Variants in NBPF19 observed in about 807,000 individuals in gnomAD.
NBPF19 encodes NBPF family member NBPF19.
NBPF19 carries 30 observed loss-of-function variants against 45.9 expected under a neutral mutation model. That is an observed-to-expected ratio of 0.65 (90% CI 0.49 to 0.89). NBPF19 has a LOEUF of 0.89. NBPF19 is among the 40% of genes least tolerant of loss of function. NBPF19 has a pLI of 0.00. For missense variants in NBPF19, 495 were observed against 471.8 expected (o/e 1.05, Z -0.46); for synonymous variants, 183 against 181.2 (o/e 1.01, Z -0.08).
chr1:149,479,614 G>C (rs1185358898), intron 4 of NBPF19, among the ~76,000 whole-genome samples: 2 of 148,132 alleles, frequency 1.4e-5, no homozygotes, highest in African/African-American at 5.0e-5. Context: ...TGTTGGAGAA[G>C]GCACTTGATG....
In NBPF19 at chr1:149,556,134, T is replaced by G. The variant is rs1331836684; in HGVS notation, c.*1396T>G. 1 of 148,038 alleles carries G rather than the reference T, an allele frequency of 6.8e-6. No homozygotes were observed. Among genetic ancestry groups the G allele is most frequent in the Non-Finnish European group, 1.5e-5 (1 of 66,958 alleles). The allele number at this position is 148,038 out of a possible 1,614,324, so 9.2% of individuals were successfully genotyped here. On this transcript the variant is annotated 3_prime_UTR_variant, in exon 94 of 94. Coordinates refer to ENST00000651566, the MANE Select transcript of NBPF19 (RefSeq NM_001351365.2). ...CGCTGCAAAATTTGGGTCTCAATTT[T>G]TACTGTGCCTTTGTTTTTACTAGTG...
At chr1:149,490,885 T>G (rs2085821507) in intron 13 of NBPF19, among the ~76,000 whole-genome samples, 1 of 125,746 alleles carries the variant, frequency 8.0e-6, no homozygotes, top group Non-Finnish European at 1.7e-5. Context: ...GAGCTCGTTC[T>G]CTCTCTCTCT....
At chr1:149,478,073 C>T in intron 3 of NBPF19, 26 bp downstream of exon 3, 2 of 1,559,340 alleles carry the variant, frequency 1.3e-6, no homozygotes, top group Non-Finnish European at 1.8e-6. Context: ...GGGGGGAGGG[C>T]AGGCGGGTAG....
At chr1:149,493,130 GCT>G (rs1287139849) in intron 16 of NBPF19, among the ~76,000 whole-genome samples, 190 bp downstream of exon 16, 8 of 77,672 alleles carry the variant, frequency 1.0e-4, no homozygotes. Flanking sequence ...AGTGAGCAAG[GCT>G]CTCTTCCTAG....
chr1:149,479,816 G>C (rs1406349184), intron 4 of NBPF19, among the ~76,000 whole-genome samples: 2 of 151,036 alleles, frequency 1.3e-5, no homozygotes, highest in South Asian at 2.1e-4. Context: ...AGGACACCAA[G>C]CCTGTGCCTG....
chr1:149,554,861 T>C lies in NBPF19; in HGVS notation c.*123T>C. 2 of 1,523,928 alleles carry C rather than the reference T, an allele frequency of 1.3e-6. No individual in the cohort carries two copies. The highest frequency in any genetic ancestry group is 1.8e-6 in the Non-Finnish European group (2 of 1,121,642). 94.4% of individuals were successfully genotyped at this position (1,523,928 alleles called of 1,614,324 possible). ...CATAGGATGGGTCAGTGGGCATGGC[T>C]CTTTTCCTATTCTCAAACCATGCCA... On this transcript the variant is annotated 3_prime_UTR_variant, in exon 94 of 94. Transcript: ENST00000651566.
At chr1:149,554,175 C>A (rs1349487704) in intron 93 of NBPF19, among the ~76,000 whole-genome samples, 114 of 142,946 alleles carry the variant, frequency 8.0e-4, no homozygotes, top group African/African-American at 2.8e-3. Context: ...TTTTCATGAT[C>A]ACAGTTTGCT....
At chr1:149,487,072 C>T (rs2085567167) in intron 8 of NBPF19, among the ~76,000 whole-genome samples, 1 of 150,884 alleles carries the variant, frequency 6.6e-6, no homozygotes. Flanking sequence ...GGAAAAATTG[C>T]TCATTTGTGT....
rs1177065525 is a variant in NBPF19 at position 149,554,724 on chromosome 1, A to G, written c.11518A>G (p.Ile3840Val). Residue 3840 changes from isoleucine to valine, a missense_variant, in exon 94 of 94, where the codon ATA becomes GTA. Coordinates refer to ENST00000651566, the MANE Select transcript of NBPF19 (RefSeq NM_001351365.2). Reference sequence around the variant, plus strand: ...CCATCTGGTGTTCCAGATGTTAGTCATATTCCCACAATAGGCAGCCCTTAC... The same window carrying G: ...CCATCTGGTGTTCCAGATGTTAGTCGTATTCCCACAATAGGCAGCCCTTAC... ...SLHLVFQMLV[I>V]FPQ 7.5e-6 allele frequency: 12 copies of G among 1,608,098 alleles called. No homozygotes were observed. The African/African-American group carries it at 9.4e-5, about 13-fold the overall frequency.
Position 149,479,865 on chromosome 1 carries a change from C to A in NBPF19, c.494-277C>A, listed in dbSNP as rs9438319. 4.5e-4 allele frequency among the ~76,000 whole-genome samples: 67 copies of A among 149,972 alleles called. 1 individual carries two copies. In the East Asian group the frequency reaches 0.011, roughly 25 times the overall value. On this transcript the variant is annotated intron_variant, in intron 4 of 93. Transcript: ENST00000651566. ...GCAGGATGGGGGAGACAGCTGCCAA[C>A]GTCCAGAGAGAGGCTGCACAAGCCT... is the stretch of plus-strand genomic sequence containing the variant.
chr1:149,476,081 T>A lies in NBPF19; in HGVS notation c.149T>A (p.Phe50Tyr). 6.2e-7 allele frequency: 1 copy of A among 1,605,702 alleles called. No homozygotes were observed. Among genetic ancestry groups the A allele is most frequent in the Non-Finnish European group, 8.5e-7 (1 of 1,173,802 alleles). ...EKCFLTQLAG[F>Y]LANRQKKYKY... The stretch of plus-strand genomic sequence containing the variant: ...TGTTTTCTAACTCAACTGGCCGGCT[T>A]CCTGGCCAACCGACAGAAGAAATAC... Residue 50 changes from phenylalanine to tyrosine, a missense_variant, in exon 2 of 94, where the codon TTC (phenylalanine) becomes TAC (tyrosine). By Grantham distance (22) the Phe-to-Tyr change is conservative. Transcript: ENST00000651566.
intron 7 of NBPF19, among the ~76,000 whole-genome samples, chr1:149,483,623 C>T (rs1399179188): frequency 1.3e-5 from 2 of 149,792 alleles, no homozygotes; most frequent in African/African-American, 2.5e-5. Flanking sequence ...TTCTTCCTAG[C>T]GTCAATGGTC....
chr1:149,486,325 C>T (rs1454528447), intron 8 of NBPF19, 32 bp downstream of exon 8: 2 of 612,262 alleles, frequency 3.3e-6, no homozygotes, highest in South Asian at 1.8e-5. Flanking sequence ...TGATAAAGCT[C>T]CAGTTCATGG....
At chr1:149,481,465 C>T (rs1361405020) in intron 6 of NBPF19, among the ~76,000 whole-genome samples, 1 of 85,598 alleles carries the variant, frequency 1.2e-5, no homozygotes, top group Non-Finnish European at 2.1e-5. Context: ...TTCTTTGTAG[C>T]ATCGTGGATT....
At position 149,521,029 on chromosome 1, in the gene NBPF19, T is replaced by G. The variant is rs1344947531; in HGVS notation, c.6165-290T>G. Reference sequence around the variant, plus strand: ...TAACTCAGAGTGTCCTTTTACTCCCTTACCAGTATGTCACCTGGCCAATTC... The same window carrying G: ...TAACTCAGAGTGTCCTTTTACTCCCGTACCAGTATGTCACCTGGCCAATTC... On this transcript the variant is annotated intron_variant, in intron 51 of 93. Transcript: ENST00000651566. Among the ~76,000 whole-genome samples, 14 of 57,324 alleles carry G rather than the reference T, an allele frequency of 2.4e-4. 3 individuals are homozygous for G. The highest frequency in any genetic ancestry group is 5.5e-4 in the Non-Finnish European group (14 of 25,596). The allele number at this position is 57,324 out of a possible 152,430, so 37.6% of individuals were successfully genotyped here. A position where few individuals can be genotyped will look rare whatever the true frequency, so the allele number is the denominator to read the frequency against.
At chr1:149,483,686 G>C (rs1182413063) in intron 7 of NBPF19, among the ~76,000 whole-genome samples, 4 of 132,764 alleles carry the variant, frequency 3.0e-5, no homozygotes, top group African/African-American at 1.1e-4. Flanking sequence ...TCCTTTCCAT[G>C]TTTAGTGCTT....
Position 149,487,293 on chromosome 1 carries a change from G to T in NBPF19, c.989-39G>T. On this transcript the variant is annotated intron_variant, in intron 8 of 93. Coordinates refer to ENST00000651566, the MANE Select transcript of NBPF19 (RefSeq NM_001351365.2). ...GAGGAATGTTTCTGTGTGCAAGGAAGAACTTAATGTAAGAGGGCCCATCTG... is the reference window on the plus strand; with the variant it reads ...GAGGAATGTTTCTGTGTGCAAGGAATAACTTAATGTAAGAGGGCCCATCTG... 4 of 1,454,448 alleles carry T rather than the reference G, an allele frequency of 2.8e-6. No individual in the cohort carries two copies. The South Asian group carries it at 3.4e-5, about 12-fold the overall frequency. 90.1% of individuals were successfully genotyped at this position (1,454,448 alleles called of 1,614,324 possible). A position where few individuals can be genotyped will look rare whatever the true frequency, so the allele number is the denominator to read the frequency against.
chr1:149,484,245 G>A (rs1473206869), intron 7 of NBPF19, among the ~76,000 whole-genome samples: 2 of 98,812 alleles, frequency 2.0e-5, no homozygotes, highest in African/African-American at 8.4e-5. Context: ...ACTATTGCAA[G>A]GACAAAAAAC....
chr1:149,519,445 CTGTG>C (rs374862187), intron 49 of NBPF19, among the ~76,000 whole-genome samples: 189 of 10,602 alleles, frequency 0.018, 2 homozygotes, highest in Non-Finnish European at 0.026. Flanking sequence ...CTCTCTCTCT[CTGTG>C]TGTGTGTGTG....
Sources: allele counts gnomAD v4.1 joint callset (sites outside exome capture counted in the v4.1 genomes callset), GRCh38; gene constraint gnomAD v4.1.1; transcripts MANE v1.5; gene names NCBI Gene and HGNC (gene_info 2026-07-23, HGNC 2026-07-21).